Variants in CDH13 observed in about 807,000 individuals in gnomAD.
CDH13 encodes cadherin-13.
Under a neutral mutation model 63.8 loss-of-function variants are expected in CDH13, and 24 were observed. That is an observed-to-expected ratio of 0.38 (90% CI 0.27 to 0.53). The LOEUF (loss-of-function observed/expected upper bound fraction) is 0.53. CDH13 is among the 20% of genes least tolerant of loss of function. CDH13 has a pLI of 0.85. For missense variants in CDH13, 1,049 were observed against 903.1 expected (o/e 1.16, Z -2.07); for synonymous variants, 503 against 355.3 (o/e 1.42, Z -4.67).
intron 10 of CDH13, among the ~76,000 whole-genome samples, chr16:83,718,697 G>C (rs254319): frequency 6.6e-6 from 1 of 152,124 alleles, no homozygotes; most frequent in Non-Finnish European, 1.5e-5. Context: ...GATGGGTCCA[G>C]TTGGTCTTAG....
chr16:83,173,178 G>T (rs1235487287), intron 4 of CDH13, among the ~76,000 whole-genome samples: 1 of 152,116 alleles, frequency 6.6e-6, no homozygotes, highest in Admixed American at 6.6e-5. Context: ...CATATGTCCA[G>T]CCAGAATCTC....
At chr16:83,729,270 A>G (rs1910778749) in intron 10 of CDH13, among the ~76,000 whole-genome samples, 1 of 152,202 alleles carries the variant, frequency 6.6e-6, no homozygotes, top group Non-Finnish European at 1.5e-5. Context: ...TAAGACATGC[A>G]TATTATACAT....
At chr16:82,930,626 G>A (rs1384652677) in intron 2 of CDH13, among the ~76,000 whole-genome samples, 3 of 152,020 alleles carry the variant, frequency 2.0e-5, no homozygotes, top group African/African-American at 4.8e-5. Context: ...CTTTGCAGTC[G>A]AGGTTTGTAA....
At chr16:83,727,434 C>T (rs562875471) in intron 10 of CDH13, among the ~76,000 whole-genome samples, 5 of 151,754 alleles carry the variant, frequency 3.3e-5, no homozygotes, top group African/African-American at 1.2e-4. Flanking sequence ...TTATAGCAAG[C>T]ACCCTTTGCC....
At position 83,441,794 on chromosome 16, in the gene CDH13, G is replaced by A. The variant is rs578006283; in HGVS notation, c.782-44683G>A. 2.6e-5 allele frequency among the ~76,000 whole-genome samples: 4 copies of A among 152,310 alleles called. No individual in the cohort carries two copies. In the South Asian group the frequency reaches 8.3e-4, roughly 32 times the overall value. On this transcript the variant is annotated intron_variant, in intron 6 of 13. Transcript: ENST00000567109. ...TATGAGTAAATGTGATGATGATTCA[G>A]CTCTGGACCCTATACTCTACTCCAA...
At chr16:83,271,589 A>C (rs1275625562) in intron 5 of CDH13, among the ~76,000 whole-genome samples, 1 of 151,912 alleles carries the variant, frequency 6.6e-6, no homozygotes, top group Non-Finnish European at 1.5e-5. Flanking sequence ...ATGCATACCC[A>C]AGATCATAAA....
At chr16:83,697,229 T>A (rs903960612) in intron 10 of CDH13, among the ~76,000 whole-genome samples, 1 of 152,244 alleles carries the variant, frequency 6.6e-6, no homozygotes, top group African/African-American at 2.4e-5. Context: ...TCACCTGACG[T>A]GCACATTCAC....
intron 3 of CDH13, among the ~76,000 whole-genome samples, chr16:83,103,154 T>C (rs1388901103): frequency 2.0e-5 from 3 of 151,224 alleles, no homozygotes; most frequent in South Asian, 4.2e-4. Context: ...GGTTCCACCA[T>C]GTTGGCTAGG....
intron 7 of CDH13, among the ~76,000 whole-genome samples, chr16:83,496,606 G>T (rs988309883): frequency 6.6e-6 from 1 of 152,136 alleles, no homozygotes; most frequent in East Asian, 1.9e-4. Context: ...CATGGGCAAG[G>T]ACTTCATGTC....
intron 8 of CDH13, among the ~76,000 whole-genome samples, chr16:83,643,221 C>G (rs1351579704): frequency 1.6e-5 from 1 of 64,290 alleles, no homozygotes; most frequent in African/African-American, 7.5e-5. Context: ...CAGCATGGCA[C>G]ATGTATACAT....
At chr16:82,651,362 T>C (rs779567799) in intron 1 of CDH13, among the ~76,000 whole-genome samples, 2 of 152,204 alleles carry the variant, frequency 1.3e-5, no homozygotes, top group Non-Finnish European at 2.9e-5. Flanking sequence ...ACCATCTTCA[T>C]TGATCTTCAC....
chr16:82,751,724 T>G (rs2034424448), intron 1 of CDH13, among the ~76,000 whole-genome samples: 1 of 151,294 alleles, frequency 6.6e-6, no homozygotes, highest in African/African-American at 2.5e-5. Context: ...AAAAAAAGTT[T>G]TGTCTGCTTT....
intron 2 of CDH13, among the ~76,000 whole-genome samples, chr16:82,869,414 A>G (rs1357304791): frequency 2.0e-5 from 3 of 152,082 alleles, no homozygotes; most frequent in Non-Finnish European, 4.4e-5. Context: ...GGGTAGAACA[A>G]GGAGTTTGAT....
chr16:82,878,739 G>C (rs67974511), intron 2 of CDH13, among the ~76,000 whole-genome samples: 32,693 of 150,788 alleles, frequency 0.22, 4,874 homozygotes, highest in East Asian at 0.78. Flanking sequence ...GGAGGTTATT[G>C]AGAATAAAAA....
At chr16:83,181,812 T>G (rs1171507644) in intron 4 of CDH13, among the ~76,000 whole-genome samples, 1 of 152,046 alleles carries the variant, frequency 6.6e-6, no homozygotes, top group Non-Finnish European at 1.5e-5. Context: ...TGTGTGTGTA[T>G]TTTTCTGGAG....
At chr16:82,934,595 A>T (rs575027411) in intron 2 of CDH13, among the ~76,000 whole-genome samples, 1 of 152,002 alleles carries the variant, frequency 6.6e-6, no homozygotes, top group Non-Finnish European at 1.5e-5. Context: ...TTTCTTTTCT[A>T]TTGCATTGTC....
intron 1 of CDH13, chr16:82,727,843 C>G (rs996223697): frequency 1.3e-5 from 2 of 152,186 alleles, no homozygotes; most frequent in Non-Finnish European, 2.9e-5. Flanking sequence ...CCCACTCCAC[C>G]CATCTTTGCC....
At chr16:82,927,305 G>C (rs147050213) in intron 2 of CDH13, among the ~76,000 whole-genome samples, 1 of 152,116 alleles carries the variant, frequency 6.6e-6, no homozygotes, top group Non-Finnish European at 1.5e-5. Flanking sequence ...TCCTACTCAC[G>C]GAGAGTCATG....
At chr16:82,853,707 T>A (rs286676) in intron 1 of CDH13, among the ~76,000 whole-genome samples, 1 of 152,148 alleles carries the variant, frequency 6.6e-6, no homozygotes, top group East Asian at 1.9e-4. Context: ...AATCATAGAA[T>A]TTGATTATTG....
Sources: allele counts gnomAD v4.1 joint callset (sites outside exome capture counted in the v4.1 genomes callset), GRCh38; gene constraint gnomAD v4.1.1; transcripts MANE v1.5; gene names NCBI Gene and HGNC (gene_info 2026-07-23, HGNC 2026-07-21).